Variants in NUDC observed in about 807,000 individuals in gnomAD.
NUDC encodes the protein nuclear migration protein nudC.
NUDC carries 14 observed loss-of-function variants against 45.0 expected under a neutral mutation model. The ratio of observed to expected loss-of-function variants is 0.31; its 90% CI spans 0.21 to 0.49. The LOEUF is 0.49. Ranked by LOEUF, NUDC falls within the 20% of genes least tolerant of loss-of-function variation. The pLI is 0.99. For synonymous variants in NUDC, 153 were observed against 156.7 expected (o/e 0.98, Z 0.17); for missense variants, 323 against 426.2 (o/e 0.76, Z 2.13).
At chr1:26,924,033 A>G in intron 1 of NUDC, 56 bp from the exon 2 acceptor site, 1 of 1,504,040 alleles carries the variant, frequency 6.6e-7, no homozygotes. Context: ...ACTTGTGTGC[A>G]GTTGAAGGGC....
chr1:26,943,852 C>G (rs1325830639), intron 6 of NUDC, among the ~76,000 whole-genome samples: 3 of 152,100 alleles, frequency 2.0e-5, no homozygotes, highest in African/African-American at 7.2e-5. Context: ...CCTGTAACAG[C>G]CTGTCCGACT....
At position 26,921,774 on chromosome 1, in the gene NUDC, C is replaced by G. The variant is rs962896215; in HGVS notation, c.-75C>G. On this transcript the variant is annotated 5_prime_UTR_variant, in exon 1 of 9. Coordinates refer to ENST00000321265, the MANE Select transcript of NUDC (RefSeq NM_006600.4). ...GGCGGACGACTAGAGTCGTTGGGCC[C>G]GGCGCGACCCGCAGGAGCGTAGAGA... 6 of 1,482,506 alleles carry G rather than the reference C, an allele frequency of 4.0e-6. No individual in the cohort carries two copies. The highest frequency in any genetic ancestry group is 2.0e-5 in the Admixed American group (1 of 50,786). The allele number at this position is 1,482,506 out of a possible 1,614,324, so 91.8% of individuals were successfully genotyped here.
intron 1 of NUDC, chr1:26,922,303 G>A (rs1570722202): frequency 2.9e-6 from 1 of 346,250 alleles, no homozygotes; most frequent in East Asian, 8.0e-5. Flanking sequence ...GCCGTCGAAT[G>A]TGTGTGGTAG....
upstream of NUDC, chr1:26,900,236 G>A (rs1421478288): frequency 6.2e-7 from 1 of 1,614,138 alleles, no homozygotes. Flanking sequence ...CGGCTGGGTC[G>A]GTAGGAATTA....
At chr1:26,926,317 ACT>A (rs1211378829) in intron 2 of NUDC, among the ~76,000 whole-genome samples, 1 of 152,162 alleles carries the variant, frequency 6.6e-6, no homozygotes, top group African/African-American at 2.4e-5. Flanking sequence ...GTCTGAGGCC[ACT>A]CTGTCATAGA....
Position 26,946,211 on chromosome 1 carries a change from G to A in NUDC, c.*30G>A, listed in dbSNP as rs540984232. The A allele has an allele frequency of 1.3e-6, 2 of 1,597,384 alleles. No homozygotes were observed. Among genetic ancestry groups the A allele is most frequent in the Admixed American group, 1.7e-5 (1 of 59,988 alleles). On this transcript the variant is annotated 3_prime_UTR_variant, in exon 9 of 9. Coordinates refer to ENST00000321265, the MANE Select transcript of NUDC (RefSeq NM_006600.4). ...TGTTTTTTCCTCCCTGAACTCTTGG[G>A]GCTGAGCTGCAACCACCCAACTTTC...
upstream of NUDC, chr1:26,921,722 G>A: frequency 2.9e-6 from 3 of 1,026,770 alleles, no homozygotes; most frequent in Admixed American, 2.0e-5. Flanking sequence ...AGCCGCGCGC[G>A]TGCGTGTTTC....
At chr1:26,915,892 C>T (rs1307687622) in intron 3 of NUDC, among the ~76,000 whole-genome samples, 1 of 152,158 alleles carries the variant, frequency 6.6e-6, no homozygotes, top group Non-Finnish European at 1.5e-5. Context: ...ACTGAATTCT[C>T]ACAGTGTCCC....
At chr1:26,911,701 G>T in intron 3 of NUDC, 1 of 920,694 alleles carries the variant, frequency 1.1e-6, no homozygotes, top group Non-Finnish European at 1.7e-6. Flanking sequence ...GGGTGTGGCT[G>T]AGTGAAGAGC....
intron 2 of NUDC, among the ~76,000 whole-genome samples, chr1:26,910,191 G>A (rs535703178): frequency 3.3e-5 from 5 of 152,314 alleles, no homozygotes; most frequent in African/African-American, 1.2e-4. Context: ...GGGGTCTGCA[G>A]TACATTGCTG....
At chr1:26,900,521 A>G (rs570020857) in intron 1 of NUDC, 1 of 1,215,290 alleles carries the variant, frequency 8.2e-7, no homozygotes, top group East Asian at 2.4e-5. Flanking sequence ...GCGTTGCGAG[A>G]TTGTGAAAAT....
intron 3 of NUDC, chr1:26,913,322 A>G: frequency 4.3e-6 from 5 of 1,173,908 alleles, no homozygotes; most frequent in Non-Finnish European, 6.4e-6. Context: ...CCAATGAGAT[A>G]ACAGATATCA....
At chr1:26,931,928 C>T (rs1485924309) in intron 2 of NUDC, among the ~76,000 whole-genome samples, 3 of 151,266 alleles carry the variant, frequency 2.0e-5, no homozygotes, top group East Asian at 2.0e-4. Context: ...CCTTGTGATC[C>T]GCCCATCTTG....
chr1:26,901,786 C>T (rs1437165621), intron 1 of NUDC, among the ~76,000 whole-genome samples: 2 of 152,060 alleles, frequency 1.3e-5, no homozygotes, highest in African/African-American at 4.8e-5. Flanking sequence ...ACACATTATA[C>T]TGGGTGATAG....
intron 2 of NUDC, among the ~76,000 whole-genome samples, chr1:26,937,296 A>G (rs972836975): frequency 2.0e-5 from 3 of 151,952 alleles, no homozygotes; most frequent in African/African-American, 7.3e-5. Context: ...ACAGGTTCTC[A>G]CTCTCACGCA....
intron 2 of NUDC, among the ~76,000 whole-genome samples, chr1:26,909,944 G>A (rs1046657157): frequency 6.6e-6 from 1 of 152,138 alleles, no homozygotes; most frequent in Non-Finnish European, 1.5e-5. Flanking sequence ...TCACCAGGGG[G>A]AAAGAGGATG....
At chr1:26,914,999 G>T (rs11278723) in intron 3 of NUDC, among the ~76,000 whole-genome samples, 1 of 144,784 alleles carries the variant, frequency 6.9e-6, no homozygotes, top group African/African-American at 2.5e-5. Flanking sequence ...ATATGTATAT[G>T]TATATGTATA....
At chr1:26,924,245 A>G (rs1423146795) in intron 2 of NUDC, 79 bp downstream of exon 2, 2 of 1,251,738 alleles carry the variant, frequency 1.6e-6, no homozygotes, top group Admixed American at 1.7e-5. Context: ...CTTTGGCATA[A>G]TAGTAACTTT....
intron 1 of NUDC, among the ~76,000 whole-genome samples, chr1:26,901,561 C>T (rs1021350741): frequency 4.6e-5 from 7 of 151,858 alleles, no homozygotes; most frequent in Non-Finnish European, 7.4e-5. Context: ...CGTGCCACCA[C>T]GCCCGGCTAA....
Sources: allele counts gnomAD v4.1 joint callset (sites outside exome capture counted in the v4.1 genomes callset), GRCh38; gene constraint gnomAD v4.1.1; transcripts MANE v1.5; gene names NCBI Gene and HGNC (gene_info 2026-07-23, HGNC 2026-07-21).